The following TTC39B variants were observed in gnomAD, a reference collection of about 807,000 sequenced individuals.
The protein encoded by TTC39B is tetratricopeptide repeat domain 39B.
In TTC39B, 92 loss-of-function variants were observed where a neutral mutation model predicts 96.6. That is an observed-to-expected ratio of 0.95 (90% CI 0.80 to 1.13). The LOEUF (loss-of-function observed/expected upper bound fraction) is 1.13. TTC39B is among the 50% of genes most tolerant of loss of function. The probability of loss-of-function intolerance (pLI) is 0.00; values close to 1 mark genes in which losing one functional copy is unlikely to be tolerated. For missense variants in TTC39B, 955 were observed against 809.3 expected, an observed-to-expected ratio of 1.18 and a Z score of -2.18; for synonymous variants, 367 against 299.4, an observed-to-expected ratio of 1.23 and a Z score of -2.33.
At chr9:15,214,092 A>G in intron 4 of TTC39B, 47 bp downstream of exon 4, 4 of 1,393,340 alleles carry the variant, frequency 2.9e-6, no homozygotes, top group Non-Finnish European at 1.0e-6. Flanking sequence ...AAGAATCATC[A>G]GAAACATCTG....
intron 2 of TTC39B, among the ~76,000 whole-genome samples, chr9:15,243,711 A>T (rs1410574067): frequency 6.6e-6 from 1 of 152,154 alleles, no homozygotes; most frequent in Non-Finnish European, 1.5e-5. Context: ...GAACTTCTAG[A>T]CTAGCCTGGG....
intron 8 of TTC39B, 82 bp from the exon 9 acceptor site, chr9:15,192,777 C>T: frequency 1.1e-6 from 1 of 926,822 alleles, no homozygotes; most frequent in East Asian, 2.6e-5. Context: ...CACTTATGTG[C>T]TATAAAATAA....
intron 2 of TTC39B, among the ~76,000 whole-genome samples, chr9:15,266,941 G>A (rs948457538): frequency 2.0e-5 from 3 of 152,166 alleles, no homozygotes; most frequent in South Asian, 2.1e-4. Context: ...ATAGCCTGGC[G>A]TGGTGGCGGG....
chr9:15,295,910 G>A (rs1824357271), intron 1 of TTC39B, among the ~76,000 whole-genome samples: 1 of 152,112 alleles, frequency 6.6e-6, no homozygotes, highest in African/African-American at 2.4e-5. Flanking sequence ...GAGTACTTTT[G>A]GGGGAGGATT....
chr9:15,266,614 T>C (rs563886569), intron 2 of TTC39B, among the ~76,000 whole-genome samples: 1 of 152,270 alleles, frequency 6.6e-6, no homozygotes, highest in Non-Finnish European at 1.5e-5. Context: ...ATAATACTCC[T>C]GTGGAAGTAC....
At chr9:15,254,883 T>G in intron 2 of TTC39B, among the ~76,000 whole-genome samples, 1 of 151,552 alleles carries the variant, frequency 6.6e-6, no homozygotes, top group Non-Finnish European at 1.5e-5. Flanking sequence ...TTTTTTTTTT[T>G]TTTTGCTGCA....
chr9:15,203,323 T>G (rs1397667474), intron 7 of TTC39B, among the ~76,000 whole-genome samples: 1 of 152,164 alleles, frequency 6.6e-6, no homozygotes, highest in Non-Finnish European at 1.5e-5. Flanking sequence ...GGACCTCGGC[T>G]CACGGAAATC....
intron 2 of TTC39B, among the ~76,000 whole-genome samples, chr9:15,235,596 T>A (rs1821742278): frequency 6.6e-6 from 1 of 151,982 alleles, no homozygotes; most frequent in Non-Finnish European, 1.5e-5. Context: ...GGAAAACCCA[T>A]CAGACTAACA....
At chr9:15,263,262 A>G (rs1823008844) in intron 2 of TTC39B, among the ~76,000 whole-genome samples, 1 of 152,216 alleles carries the variant, frequency 6.6e-6, no homozygotes, top group Non-Finnish European at 1.5e-5. Context: ...GCAGAAAAGT[A>G]CCGATGTTCA....
chr9:15,280,293 C>A (rs994078975), intron 1 of TTC39B, among the ~76,000 whole-genome samples: 3 of 152,182 alleles, frequency 2.0e-5, no homozygotes, highest in Non-Finnish European at 4.4e-5. Context: ...TGCATAGCTG[C>A]AACTGAGATC....
intron 15 of TTC39B, chr9:15,186,488 C>G (rs529492917): frequency 2.6e-5 from 4 of 152,988 alleles, no homozygotes; most frequent in African/African-American, 9.6e-5. Flanking sequence ...ATGATCACAT[C>G]TTTCACATAA....
Position 15,306,158 on chromosome 9 carries a change from C to A in TTC39B, c.240+926G>T, listed in dbSNP as rs766285030. 6.6e-6 allele frequency among the ~76,000 whole-genome samples: 1 copy of A among 152,224 alleles called. No individual in the cohort carries two copies. The highest frequency in any genetic ancestry group is 1.5e-5 in the Non-Finnish European group (1 of 68,038). On this transcript the variant is annotated intron_variant, in intron 1 of 19. Transcript: ENST00000512701. The surrounding 1 kb of genome is among the most constrained non-coding windows in gnomAD (Gnocchi z 5.1). ...CCAAAGCCTTCTAAAGGCAGCGACT[C>A]GCACAATTCAAGTCAGGTAAGATGG... is the stretch of plus-strand genomic sequence containing the variant.
chr9:15,291,843 G>T (rs1563793530), intron 1 of TTC39B, among the ~76,000 whole-genome samples: 1 of 152,118 alleles, frequency 6.6e-6, no homozygotes. Context: ...AAAGAACATG[G>T]GCAAGCTTGC....
At chr9:15,232,015 T>C (rs1211215913) in intron 2 of TTC39B, among the ~76,000 whole-genome samples, 1 of 151,906 alleles carries the variant, frequency 6.6e-6, no homozygotes, top group Non-Finnish European at 1.5e-5. Flanking sequence ...GAGCTTGAGC[T>C]CGTCACTGTG....
At chr9:15,271,960 TAC>T (rs1336304208) in intron 1 of TTC39B, among the ~76,000 whole-genome samples, 3 of 152,172 alleles carry the variant, frequency 2.0e-5, no homozygotes, top group Non-Finnish European at 2.9e-5. Context: ...TACCAGCAAA[TAC>T]AGTTTCCTGC....
At chr9:15,222,744 T>G (rs1271570619) in intron 3 of TTC39B, among the ~76,000 whole-genome samples, 1 of 152,180 alleles carries the variant, frequency 6.6e-6, no homozygotes, top group Non-Finnish European at 1.5e-5. Flanking sequence ...TATGAAAGGT[T>G]TTCTCTCCGT....
intron 3 of TTC39B, among the ~76,000 whole-genome samples, chr9:15,224,874 A>G (rs1280803893): frequency 6.6e-6 from 1 of 152,212 alleles, no homozygotes; most frequent in Non-Finnish European, 1.5e-5. Flanking sequence ...CCTTTTCTAT[A>G]TATTGCGAGG....
At chr9:15,256,839 C>T (rs1245706303) in intron 2 of TTC39B, among the ~76,000 whole-genome samples, 1 of 152,236 alleles carries the variant, frequency 6.6e-6, no homozygotes, top group East Asian at 1.9e-4. Context: ...GAGTTGCCCT[C>T]GATGAGGCAG....
rs141427615 is a variant in TTC39B at position 15,306,330 on chromosome 9, AG to A, written c.240+753del. ...CCGGCGCGCTAGCCCCTGGGTGCTC[AG>A]GCCCGGGCGCGCCACGACTGAAGGA... On this transcript the variant is annotated intron_variant, in intron 1 of 19. Transcript: ENST00000512701. The surrounding 1 kb of genome is among the most constrained non-coding windows in gnomAD (Gnocchi z 5.1). 2.5e-4 allele frequency among the ~76,000 whole-genome samples: 38 copies of A among 152,336 alleles called. No individual in the cohort carries two copies. Among genetic ancestry groups the A allele is most frequent in the African/African-American group, 8.7e-4 (36 of 41,576 alleles).
Sources: allele counts gnomAD v4.1 joint callset (sites outside exome capture counted in the v4.1 genomes callset), GRCh38; gene constraint gnomAD v4.1.1; non-coding constraint Gnocchi (gnomAD v3.1); transcripts MANE v1.5; gene names NCBI Gene and HGNC (gene_info 2026-07-23, HGNC 2026-07-21).